The following PRKN variants were observed in gnomAD, a reference collection of about 807,000 sequenced individuals.
PRKN encodes E3 ubiquitin-protein ligase parkin.
In PRKN, 56 loss-of-function variants were observed where a neutral mutation model predicts 59.5. That is an observed-to-expected ratio of 0.94 (90% CI 0.76 to 1.18). The LOEUF is 1.18. Ranked by LOEUF, PRKN falls within the 50% of genes most tolerant of loss-of-function variation. The pLI, the probability that PRKN is intolerant of heterozygous loss-of-function variation, is 0.00. For synonymous variants in PRKN, 250 were observed against 222.1 expected, an observed-to-expected ratio of 1.13 and a Z score of -1.12; for missense variants, 657 against 596.4, an observed-to-expected ratio of 1.10 and a Z score of -1.06.
At chr6:161,540,676 A>G (rs1779585427) in intron 9 of PRKN, among the ~76,000 whole-genome samples, 1 of 152,236 alleles carries the variant, frequency 6.6e-6, no homozygotes, top group Non-Finnish European at 1.5e-5. Flanking sequence ...AAGTTGCTTC[A>G]TAAAACACCT....
At chr6:161,430,570 C>T (rs1274889381) in intron 9 of PRKN, among the ~76,000 whole-genome samples, 2 of 152,090 alleles carry the variant, frequency 1.3e-5, no homozygotes, top group Non-Finnish European at 1.5e-5. Context: ...AATCCAAGCA[C>T]TTTGGGGGGC....
rs113429371 is a variant in PRKN at position 162,445,723 on chromosome 6, A to C, written c.8-2250T>G. The stretch of plus-strand genomic sequence containing the variant: ...AAAAAAAAAAAAAAAAAAAAAAAAA[A>C]AAAAGTCCACATTTCTATCCCTCAT... On this transcript the variant is annotated intron_variant, in intron 1 of 11. Coordinates refer to ENST00000366898, the MANE Select transcript of PRKN (RefSeq NM_004562.3). Among the ~76,000 whole-genome samples the C allele has an allele frequency of 7.0e-3, 880 of 125,968 alleles. 21 individuals are homozygous for C. The highest frequency in any genetic ancestry group is 0.026 in the African/African-American group (822 of 32,192). 82.6% of individuals were successfully genotyped at this position (125,968 alleles called of 152,430 possible).
rs1294489317 is a variant in PRKN at position 162,338,728 on chromosome 6, A to G, written c.172-75963T>C. Among the ~76,000 whole-genome samples, 9 of 147,044 alleles carry G rather than the reference A, an allele frequency of 6.1e-5. No individual in the cohort carries two copies. In the East Asian group the frequency reaches 1.7e-3, roughly 28 times the overall value. ...CTGGCCGCCCATTGTCTGGGATGTG[A>G]GGAGCCCCTCTGCCCGGCTGCCCAG... On this transcript the variant is annotated intron_variant, in intron 2 of 11. Transcript: ENST00000366898.
intron 5 of PRKN, among the ~76,000 whole-genome samples, chr6:162,009,738 C>T (rs751167746): frequency 6.6e-6 from 1 of 151,592 alleles, no homozygotes. Flanking sequence ...GAGTGTGAAA[C>T]GAGCATGGCC....
At chr6:162,222,852 T>A (rs6905079) in intron 3 of PRKN, among the ~76,000 whole-genome samples, 9,920 of 152,146 alleles carry the variant, frequency 0.065, 448 homozygotes, top group African/African-American at 0.13. Context: ...TTTTTAATTT[T>A]ATTTTATTAT....
chr6:161,898,227 C>G (rs1286072951), intron 6 of PRKN, among the ~76,000 whole-genome samples: 1 of 152,078 alleles, frequency 6.6e-6, no homozygotes, highest in Non-Finnish European at 1.5e-5. Flanking sequence ...GAATTTCAAT[C>G]AGCAATCAGA....
intron 2 of PRKN, among the ~76,000 whole-genome samples, chr6:162,290,434 T>G (rs1167754297): frequency 1.3e-5 from 2 of 152,220 alleles, no homozygotes; most frequent in African/African-American, 4.8e-5. Flanking sequence ...TCCTTCTTAA[T>G]AGAATTTAAA....
chr6:162,280,323 C>A (rs1445969136), intron 2 of PRKN, among the ~76,000 whole-genome samples: 1 of 152,070 alleles, frequency 6.6e-6, no homozygotes, highest in Non-Finnish European at 1.5e-5. Flanking sequence ...TAACAAAGTT[C>A]TTTGAAACCA....
At chr6:161,665,094 G>T (rs1159991773) in intron 7 of PRKN, among the ~76,000 whole-genome samples, 1 of 151,910 alleles carries the variant, frequency 6.6e-6, no homozygotes, top group Non-Finnish European at 1.5e-5. Context: ...CCCAACAACT[G>T]ACTTTAAAAC....
chr6:162,590,125 TTATC>T (rs1193535655), intron 1 of PRKN, among the ~76,000 whole-genome samples: 2 of 152,218 alleles, frequency 1.3e-5, no homozygotes, highest in African/African-American at 4.8e-5. Flanking sequence ...CCAGATGTCT[TTATC>T]TTTCTTCTCC....
rs1491187974 is a variant in PRKN at position 161,756,442 on chromosome 6, G to GGA, written c.871+29329_871+29330insTC. On this transcript the variant is annotated intron_variant, in intron 7 of 11. Coordinates refer to ENST00000366898, the MANE Select transcript of PRKN (RefSeq NM_004562.3). ...GGGTGACAGAGTGAAACCTTGTCTC[G>GGA]AAAAAAAAAAAAAAAAAAAAAAAAA... Among the ~76,000 whole-genome samples, 11 of 74,712 alleles carry GGA rather than the reference G, an allele frequency of 1.5e-4. 3 individuals are homozygous for GGA. The highest frequency in any genetic ancestry group is 5.1e-4 in the South Asian group (1 of 1,970). The allele number at this position is 74,712 out of a possible 152,430, so 49.0% of individuals were successfully genotyped here.
At chr6:162,426,206 A>G (rs558907150) in intron 2 of PRKN, among the ~76,000 whole-genome samples, 1 of 152,366 alleles carries the variant, frequency 6.6e-6, no homozygotes, top group South Asian at 2.1e-4. Flanking sequence ...TAGTAATATA[A>G]CAACGTAGTA....
chr6:162,714,777 T>G (rs1214734262), intron 1 of PRKN, among the ~76,000 whole-genome samples: 1 of 152,142 alleles, frequency 6.6e-6, no homozygotes, highest in African/African-American at 2.4e-5. Flanking sequence ...GCATTTGTTG[T>G]AAAGTTAAAA....
At chr6:162,238,883 G>A (rs763829578) in intron 3 of PRKN, among the ~76,000 whole-genome samples, 2 of 152,170 alleles carry the variant, frequency 1.3e-5, no homozygotes, top group African/African-American at 2.4e-5. Flanking sequence ...CACGGGCCAC[G>A]TGTGCAGTGC....
rs185005804 is a variant in PRKN, at chr6:162,118,040, G to T, written c.535-63866C>A. The stretch of plus-strand genomic sequence containing the variant: ...GAACCTGGGAGACAGAGCTTGCAGT[G>T]AGCCAAGATCACGCTGTTGCACTCC... On this transcript the variant is annotated intron_variant, in intron 4 of 11. Coordinates refer to ENST00000366898, the MANE Select transcript of PRKN (RefSeq NM_004562.3). Among the ~76,000 whole-genome samples the T allele has an allele frequency of 3.9e-5, 6 of 152,162 alleles. No individual in the cohort carries two copies. In the East Asian group the frequency reaches 1.2e-3, roughly 29 times the overall value.
intron 6 of PRKN, among the ~76,000 whole-genome samples, chr6:161,957,837 G>C (rs925630316): frequency 2.0e-5 from 3 of 152,148 alleles, no homozygotes; most frequent in Admixed American, 1.3e-4. Context: ...GCGCTCAGGG[G>C]GCAGGTCCTG....
At chr6:161,736,157 G>A (rs899270269) in intron 7 of PRKN, among the ~76,000 whole-genome samples, 42 of 152,236 alleles carry the variant, frequency 2.8e-4, no homozygotes, top group African/African-American at 8.9e-4. Context: ...AATGTGTAAG[G>A]GACGTACAAA....
chr6:162,312,760 G>T (rs138634390), intron 2 of PRKN, among the ~76,000 whole-genome samples: 16 of 152,122 alleles, frequency 1.1e-4, no homozygotes, highest in Non-Finnish European at 2.1e-4. Flanking sequence ...TCGAAAAGCT[G>T]TGCACACACA....
At chr6:161,783,296 A>G (rs953649435) in intron 7 of PRKN, among the ~76,000 whole-genome samples, 2 of 152,126 alleles carry the variant, frequency 1.3e-5, no homozygotes, top group Non-Finnish European at 2.9e-5. Flanking sequence ...AAAGTCTCCT[A>G]GCTTATTCCA....
Sources: allele counts gnomAD v4.1 joint callset (sites outside exome capture counted in the v4.1 genomes callset), GRCh38; gene constraint gnomAD v4.1.1; transcripts MANE v1.5; gene names NCBI Gene and HGNC (gene_info 2026-07-23, HGNC 2026-07-21).